FGGY: variants seen among roughly 807,000 people sequenced by gnomAD.
FGGY encodes FGGY carbohydrate kinase domain-containing protein.
In FGGY, 72 loss-of-function variants were observed where a neutral mutation model predicts 71.3. The ratio of observed to expected loss-of-function variants is 1.01; its 90% CI spans 0.84 to 1.23. The LOEUF (loss-of-function observed/expected upper bound fraction) is 1.23, where lower values mean the gene tolerates loss of function less well. Ranked by LOEUF, FGGY falls within the 50% of genes most tolerant of loss-of-function variation. FGGY has a pLI of 0.00. For missense variants in FGGY, 668 were observed against 682.3 expected, an observed-to-expected ratio of 0.98 and a Z score of 0.23; for synonymous variants, 251 against 250.3, an observed-to-expected ratio of 1.00 and a Z score of -0.02.
At chr1:59,681,644 G>A (rs576620580) in intron 14 of FGGY, among the ~76,000 whole-genome samples, 1 of 151,832 alleles carries the variant, frequency 6.6e-6, no homozygotes, top group African/African-American at 2.4e-5. Flanking sequence ...CTAGAAATAG[G>A]TTTTTTTTCT....
At chr1:59,513,186 A>G (rs747297033) in intron 7 of FGGY, among the ~76,000 whole-genome samples, 3 of 152,168 alleles carry the variant, frequency 2.0e-5, no homozygotes, top group Non-Finnish European at 4.4e-5. Flanking sequence ...TCATTCTAAC[A>G]ATGTTTTGTT....
intron 5 of FGGY, among the ~76,000 whole-genome samples, chr1:59,415,886 C>G (rs1370717419): frequency 6.6e-6 from 1 of 152,192 alleles, no homozygotes; most frequent in Non-Finnish European, 1.5e-5. Context: ...TTTCTGTTTT[C>G]AAAGCCCTGG....
chr1:59,346,220 T>A (rs916932038), intron 3 of FGGY, 27 bp from the exon 4 acceptor site: 1 of 1,611,814 alleles, frequency 6.2e-7, no homozygotes, highest in Non-Finnish European at 8.5e-7. Context: ...TGTGTGTCCA[T>A]CTGCATCTCC....
At chr1:59,365,280 T>A (rs901714008) in intron 4 of FGGY, among the ~76,000 whole-genome samples, 2 of 152,116 alleles carry the variant, frequency 1.3e-5, no homozygotes, top group African/African-American at 4.8e-5. Context: ...AAGGAGCCCA[T>A]GAAGGAGACA....
At chr1:59,665,909 A>G (rs749616083) in intron 12 of FGGY, among the ~76,000 whole-genome samples, 1 of 152,002 alleles carries the variant, frequency 6.6e-6, no homozygotes, top group African/African-American at 2.4e-5. Context: ...TCCTGACCTC[A>G]TGATCCGCCC....
chr1:59,752,346 G>A (rs536684485), intron 14 of FGGY, among the ~76,000 whole-genome samples: 33 of 152,222 alleles, frequency 2.2e-4, no homozygotes, highest in African/African-American at 7.2e-4. Context: ...CTGCCTTCTG[G>A]GAGTTCATAT....
chr1:59,698,939 A>G (rs2097687475), intron 14 of FGGY: 1 of 985,276 alleles, frequency 1.0e-6, no homozygotes, highest in Admixed American at 6.1e-5. Context: ...GCCAGGTATT[A>G]TTTAATACAT....
chr1:59,422,847 A>G (rs997291137), intron 5 of FGGY, among the ~76,000 whole-genome samples: 17 of 152,242 alleles, frequency 1.1e-4, no homozygotes, highest in African/African-American at 4.1e-4. Flanking sequence ...GCCTACTATT[A>G]TAGTAAACTT....
rs760387814 is a variant in FGGY at position 59,594,331 on chromosome 1, C to T, written c.904-13472C>T. ...CAGAAAGTTAAATAGTTAGCTCTCACATGTTGATTATTTACTATGTGAAGG... is the reference window on the plus strand; with the variant it reads ...CAGAAAGTTAAATAGTTAGCTCTCATATGTTGATTATTTACTATGTGAAGG... On this transcript the variant is annotated intron_variant, in intron 8 of 15. Transcript: ENST00000303721. 5.6e-4 allele frequency among the ~76,000 whole-genome samples: 85 copies of T among 152,326 alleles called. 1 individual carries two copies. The Middle Eastern group carries it at 0.014, about 24-fold the overall frequency.
chr1:59,738,063 C>T (rs1270122103), intron 14 of FGGY, among the ~76,000 whole-genome samples: 5 of 152,166 alleles, frequency 3.3e-5, no homozygotes, highest in Admixed American at 2.6e-4. Flanking sequence ...TCAGAATCAA[C>T]CAAGTCAAAT....
At chr1:59,392,256 A>G (rs1199967242) in intron 5 of FGGY, among the ~76,000 whole-genome samples, 1 of 152,180 alleles carries the variant, frequency 6.6e-6, no homozygotes, top group African/African-American at 2.4e-5. Flanking sequence ...TAGTCTCAAG[A>G]ACCTTGGTAG....
In FGGY at chr1:59,443,718, G is replaced by A. The variant is rs75318707; in HGVS notation, c.555-13243G>A. Among the ~76,000 whole-genome samples the A allele has an allele frequency of 7.9e-4, 121 of 152,288 alleles. 2 individuals carry two copies. The East Asian group carries it at 0.017, about 21-fold the overall frequency. On this transcript the variant is annotated intron_variant, in intron 5 of 15. Coordinates refer to ENST00000303721, the MANE Select transcript of FGGY (RefSeq NM_018291.5). ...ACACTGGAAGAGGTATTTTAATATT[G>A]GAGCTTATAAAATGTTTAGAAATGT...
intron 14 of FGGY, among the ~76,000 whole-genome samples, chr1:59,694,600 G>A (rs377196937): frequency 6.6e-6 from 1 of 151,914 alleles, no homozygotes; most frequent in South Asian, 2.1e-4. Flanking sequence ...CACAGGCCAG[G>A]ATTTCTCAGA....
Position 59,543,615 on chromosome 1 carries a change from A to G in FGGY, c.800-10509A>G, listed in dbSNP as rs556997894. Among the ~76,000 whole-genome samples, 8 of 152,340 alleles carry G rather than the reference A, an allele frequency of 5.3e-5. No homozygotes were observed. The South Asian group carries it at 1.7e-3, about 32-fold the overall frequency. Reference sequence around the variant, plus strand: ...AGTTTCTGTTGCAACCGAAACTCTTATCACAGGAGGTGGTACTGAGCTTGG... The same window carrying G: ...AGTTTCTGTTGCAACCGAAACTCTTGTCACAGGAGGTGGTACTGAGCTTGG... On this transcript the variant is annotated intron_variant, in intron 7 of 15. Transcript: ENST00000303721.
At chr1:59,760,680 TAAGATAACCACAAAAAG>T (rs2098333882) in intron 15 of FGGY, among the ~76,000 whole-genome samples, 1 of 152,156 alleles carries the variant, frequency 6.6e-6, no homozygotes, top group Non-Finnish European at 1.5e-5. Flanking sequence ...CTAAGTGAAA[TAAGATAACCACAAAAAG>T]ACAAATACTG....
intron 7 of FGGY, among the ~76,000 whole-genome samples, chr1:59,516,213 A>G (rs1244529596): frequency 6.6e-6 from 1 of 152,092 alleles, no homozygotes; most frequent in East Asian, 1.9e-4. Flanking sequence ...CCTTTCCTAT[A>G]CCCCTATTAG....
At chr1:59,533,819 A>C (rs2095235628) in intron 7 of FGGY, among the ~76,000 whole-genome samples, 4 of 152,208 alleles carry the variant, frequency 2.6e-5, no homozygotes, top group Admixed American at 2.6e-4. Context: ...TCCACACCAA[A>C]ATCCCATCTG....
At chr1:59,653,676 C>G (rs909540577) in intron 11 of FGGY, among the ~76,000 whole-genome samples, 1 of 152,206 alleles carries the variant, frequency 6.6e-6, no homozygotes, top group Admixed American at 6.5e-5. Context: ...GAGATGAACC[C>G]GGTACCTCAG....
chr1:59,441,182 C>G (rs756033783), intron 5 of FGGY, among the ~76,000 whole-genome samples: 11 of 151,942 alleles, frequency 7.2e-5, no homozygotes, highest in Non-Finnish European at 1.0e-4. Context: ...GGGAGAAGAC[C>G]TAGTACTCAC....
Sources: gnomAD v4.1 joint callset for allele counts (sites outside exome capture counted in the v4.1 genomes callset) on GRCh38, gnomAD v4.1.1 for gene constraint, MANE v1.5 for transcripts, NCBI Gene and HGNC (gene_info 2026-07-23, HGNC 2026-07-21) for gene names.